The following QTMAN variants were observed in gnomAD, a reference collection of about 807,000 sequenced individuals.
QTMAN encodes tRNA-queuosine alpha-mannosyltransferase.
the QTMAN span, among the ~76,000 whole-genome samples, chr2:144,151,611 C>T: frequency 1.3e-5 from 2 of 152,020 alleles, no homozygotes; most frequent in Admixed American, 6.6e-5. Context: ...ATATGAGAAG[C>T]GAAAGAGAGG....
At chr2:144,124,379 C>T in the QTMAN span, among the ~76,000 whole-genome samples, 23 of 152,114 alleles carry the variant, frequency 1.5e-4, no homozygotes, top group Admixed American at 1.5e-3. Context: ...GTTATAATAC[C>T]TAACATATTA....
the QTMAN span, among the ~76,000 whole-genome samples, chr2:144,127,022 C>CA: frequency 7.2e-5 from 11 of 151,894 alleles, no homozygotes; most frequent in Non-Finnish European, 1.5e-4. Flanking sequence ...AGAACACACA[C>CA]AAAAAATCTA....
chr2:144,105,462 C>T, the QTMAN span, among the ~76,000 whole-genome samples: 1,036 of 152,222 alleles, frequency 6.8e-3, 16 homozygotes, highest in African/African-American at 0.024. Context: ...TGAATGCACA[C>T]GTTTCAGTAG....
the QTMAN span, among the ~76,000 whole-genome samples, chr2:144,194,443 A>G: frequency 1.3e-5 from 2 of 152,184 alleles, no homozygotes; most frequent in East Asian, 1.9e-4. Context: ...TAATAGGTAC[A>G]AGAGAGAACA....
At chr2:144,029,085 T>C in the QTMAN span, among the ~76,000 whole-genome samples, 1 of 152,194 alleles carries the variant, frequency 6.6e-6, no homozygotes, top group Non-Finnish European at 1.5e-5. Context: ...GAGCCTTTTA[T>C]TTTTCACTTA....
chr2:143,968,782 A>C, the QTMAN span, among the ~76,000 whole-genome samples: 1 of 152,112 alleles, frequency 6.6e-6, no homozygotes, highest in Admixed American at 6.5e-5. Flanking sequence ...CATCTATCAA[A>C]TTCTCTTCTG....
chr2:143,963,768 C>T, the QTMAN span: 1 of 152,090 alleles, frequency 6.6e-6, no homozygotes, highest in Non-Finnish European at 1.5e-5. Flanking sequence ...TATATGCCTA[C>T]CTTTAATTGA....
the QTMAN span, among the ~76,000 whole-genome samples, chr2:144,010,905 C>T: frequency 2.6e-5 from 4 of 152,122 alleles, no homozygotes; most frequent in South Asian, 6.2e-4. Flanking sequence ...AGCTGAATTT[C>T]AAGAAAAACT....
chr2:144,214,892 T>C, the QTMAN span, among the ~76,000 whole-genome samples: 3 of 152,202 alleles, frequency 2.0e-5, no homozygotes, highest in Non-Finnish European at 2.9e-5. Context: ...GATAATTTAA[T>C]TTTCCCTAAA....
chr2:144,247,131 G>A, the QTMAN span, among the ~76,000 whole-genome samples: 2 of 152,192 alleles, frequency 1.3e-5, no homozygotes, highest in Non-Finnish European at 2.9e-5. Flanking sequence ...GGCAAAGGAA[G>A]TTCCTAGGTT....
At chr2:144,273,208 T>TAA in the QTMAN span, among the ~76,000 whole-genome samples, 1 of 143,566 alleles carries the variant, frequency 7.0e-6, no homozygotes, top group Non-Finnish European at 1.5e-5. Flanking sequence ...AACAAAAAGC[T>TAA]AAAAAAAAAA....
At chr2:144,139,055 C>T in the QTMAN span, among the ~76,000 whole-genome samples, 4 of 151,578 alleles carry the variant, frequency 2.6e-5, no homozygotes, top group Non-Finnish European at 4.4e-5. Context: ...AACATAATGA[C>T]GGAATAAGAA....
the QTMAN span, among the ~76,000 whole-genome samples, chr2:144,182,874 T>TTTATATATA: frequency 7.8e-5 from 6 of 76,482 alleles, no homozygotes; most frequent in African/African-American, 4.0e-4. Flanking sequence ...ATATATATAT[T>TTTATATATA]ATATATATAT....
chr2:144,049,492 T>C, the QTMAN span, among the ~76,000 whole-genome samples: 9 of 152,296 alleles, frequency 5.9e-5, no homozygotes, highest in East Asian at 1.3e-3. Flanking sequence ...GAAAAAGATA[T>C]GTAAATAATT....
At chr2:144,020,909 A>T in the QTMAN span, among the ~76,000 whole-genome samples, 1 of 152,132 alleles carries the variant, frequency 6.6e-6, no homozygotes, top group East Asian at 1.9e-4. Context: ...ATAACTAAAA[A>T]AAAAATAAAT....
the QTMAN span, among the ~76,000 whole-genome samples, chr2:144,067,164 C>A: frequency 6.6e-6 from 1 of 152,152 alleles, no homozygotes; most frequent in East Asian, 1.9e-4. Context: ...GAAACTGAGG[C>A]TTCAGAAAGA....
At chr2:144,319,559 T>TTA in the QTMAN span, among the ~76,000 whole-genome samples, 181 of 150,914 alleles carry the variant, frequency 1.2e-3, 1 homozygote, top group South Asian at 1.5e-3. Flanking sequence ...TTTTTTTCAT[T>TTA]TATATATATA....
the QTMAN span, among the ~76,000 whole-genome samples, chr2:144,086,710 TCATA>T: frequency 2.6e-5 from 4 of 152,230 alleles, no homozygotes; most frequent in African/African-American, 9.6e-5. Context: ...TGAAATTTAT[TCATA>T]CATTTTCTTT....
chr2:144,053,779 G>A, the QTMAN span, among the ~76,000 whole-genome samples: 113 of 152,236 alleles, frequency 7.4e-4, no homozygotes, highest in African/African-American at 2.6e-3. Flanking sequence ...CAAACATTTC[G>A]CCTTTCAGCA....
Sources: allele counts gnomAD v4.1 joint callset (sites outside exome capture counted in the v4.1 genomes callset), GRCh38; gene constraint gnomAD v4.1.1; transcripts MANE v1.5; gene names NCBI Gene and HGNC (gene_info 2026-07-23, HGNC 2026-07-21).